The following SLC4A4 variants were observed in gnomAD, a reference collection of about 807,000 sequenced individuals.
SLC4A4 encodes electrogenic sodium bicarbonate cotransporter 1.
A neutral mutation model predicts 111.5 loss-of-function variants in SLC4A4; 27 were observed. The ratio of observed to expected loss-of-function variants is 0.24; its 90% CI spans 0.18 to 0.33. The LOEUF (loss-of-function observed/expected upper bound fraction) is 0.33. Among genes scored for constraint, SLC4A4 ranks in the 10% least tolerant of loss-of-function variants. The probability of loss-of-function intolerance (pLI) is 1.00; values close to 1 mark genes in which losing one functional copy is unlikely to be tolerated. For synonymous variants in SLC4A4, 443 were observed against 463.4 expected (o/e 0.96, Z 0.57); for missense variants, 909 against 1,315.5 (o/e 0.69, Z 4.78).
chr4:71,498,513 C>G (rs1025409440), intron 16 of SLC4A4, among the ~76,000 whole-genome samples: 4 of 152,026 alleles, frequency 2.6e-5, no homozygotes, highest in Non-Finnish European at 4.4e-5. Flanking sequence ...GCTCTTCTTG[C>G]ATTATATGTA....
intron 3 of SLC4A4, among the ~76,000 whole-genome samples, chr4:71,278,817 A>G (rs1229995570): frequency 6.6e-6 from 1 of 152,020 alleles, no homozygotes; most frequent in Non-Finnish European, 1.5e-5. Flanking sequence ...TGTTATTACT[A>G]TTTTTGCTGT....
intron 16 of SLC4A4, among the ~76,000 whole-genome samples, chr4:71,510,692 G>T (rs1226958897): frequency 6.6e-6 from 1 of 152,120 alleles, no homozygotes; most frequent in Non-Finnish European, 1.5e-5. Context: ...TTTTAGTGGA[G>T]AATTTAACCC....
chr4:71,567,458 A>G (rs1383119009), intron 25 of SLC4A4, among the ~76,000 whole-genome samples: 1 of 151,638 alleles, frequency 6.6e-6, no homozygotes, highest in Non-Finnish European at 1.5e-5. Context: ...ATTTTCTGAA[A>G]TCTCTGAATG....
At chr4:71,253,109 T>A (rs1348219592) in intron 2 of SLC4A4, among the ~76,000 whole-genome samples, 1 of 152,132 alleles carries the variant, frequency 6.6e-6, no homozygotes, top group East Asian at 1.9e-4. Flanking sequence ...GCTGAGAGGA[T>A]GCCTATCATC....
intron 3 of SLC4A4, among the ~76,000 whole-genome samples, chr4:71,291,232 T>C (rs1181991966): frequency 6.6e-6 from 1 of 152,212 alleles, no homozygotes; most frequent in East Asian, 1.9e-4. Context: ...TAATGCTAAA[T>C]GATGAGTTAA....
chr4:71,514,219 T>C (rs989889029), intron 16 of SLC4A4, among the ~76,000 whole-genome samples: 1 of 152,196 alleles, frequency 6.6e-6, no homozygotes, highest in African/African-American at 2.4e-5. Context: ...TAATCTCCAG[T>C]GTCAGAGGTG....
At chr4:71,330,019 A>G (rs937884696) in intron 3 of SLC4A4, among the ~76,000 whole-genome samples, 1 of 152,294 alleles carries the variant, frequency 6.6e-6, no homozygotes, top group East Asian at 1.9e-4. Flanking sequence ...TTTATCATGA[A>G]AGAATATTGA....
Position 71,081,494 on chromosome 4 carries a change from G to A in SLC4A4, c.-64-11236G>A, listed in dbSNP as rs559883678. On this transcript the variant is annotated intron_variant, in intron 1 of 26. Coordinates refer to the SLC4A4 transcript ENST00000649996. Reference sequence around the variant, plus strand: ...CCCCCACCATGGCTGCTTTGGAGTAGCTCTTATCTCAGGTACCTCAGCCAG... The same window carrying A: ...CCCCCACCATGGCTGCTTTGGAGTAACTCTTATCTCAGGTACCTCAGCCAG... Among the ~76,000 whole-genome samples the A allele has an allele frequency of 2.6e-5, 4 of 152,260 alleles. No individual in the cohort carries two copies. In the South Asian group the frequency reaches 8.3e-4, roughly 32 times the overall value.
At chr4:71,419,494 C>T (rs578212220) in intron 7 of SLC4A4, among the ~76,000 whole-genome samples, 17 of 152,338 alleles carry the variant, frequency 1.1e-4, no homozygotes, top group South Asian at 4.1e-4. Context: ...TAGGACCCTC[C>T]GAGCCAGGTG....
Position 71,534,219 on chromosome 4 carries a change from T to C in SLC4A4, c.2281-8T>C. On this transcript the variant is annotated splice_polypyrimidine_tract_variant and splice_region_variant and intron_variant, in intron 17 of 25. Transcript: ENST00000264485. ...ATTTTCTGAAAAATGTCATCTGTCT[T>C]TTTCAAGCCAACAAGTCCAAACCGA... 6.2e-7 allele frequency: 1 copy of C among 1,613,438 alleles called. No homozygotes were observed. The highest frequency in any genetic ancestry group is 8.5e-7 in the Non-Finnish European group (1 of 1,179,614).
intron 2 of SLC4A4, among the ~76,000 whole-genome samples, chr4:71,154,075 G>T (rs772658841): frequency 6.6e-6 from 1 of 152,180 alleles, no homozygotes; most frequent in Non-Finnish European, 1.5e-5. Context: ...TTCCTTTCAG[G>T]AGAGGTGACC....
intron 14 of SLC4A4, 108 bp from the exon 15 acceptor site, chr4:71,486,836 TATTA>T: frequency 1.6e-6 from 1 of 625,408 alleles, no homozygotes. Flanking sequence ...CTTATGTTGT[TATTA>T]AAGACATTTT....
At chr4:71,559,130 G>A (rs1736736567) in intron 22 of SLC4A4, among the ~76,000 whole-genome samples, 1 of 151,896 alleles carries the variant, frequency 6.6e-6, no homozygotes, top group Non-Finnish European at 1.5e-5. Context: ...AGTTAGGACA[G>A]ATGTTATTTA....
intron 13 of SLC4A4, among the ~76,000 whole-genome samples, chr4:71,468,915 A>C (rs1344393790): frequency 3.9e-5 from 6 of 151,990 alleles, no homozygotes; most frequent in Non-Finnish European, 8.8e-5. Flanking sequence ...CTGTTGAAGA[A>C]TAGGTAGATC....
intron 24 of SLC4A4, among the ~76,000 whole-genome samples, chr4:71,564,395 A>G (rs1737281182): frequency 6.6e-6 from 1 of 151,950 alleles, no homozygotes; most frequent in African/African-American, 2.4e-5. Context: ...ACAACTTTCT[A>G]GATATAACTT....
At chr4:71,188,429 A>G (rs991828068) in intron 1 of SLC4A4, among the ~76,000 whole-genome samples, 2 of 152,014 alleles carry the variant, frequency 1.3e-5, no homozygotes, top group East Asian at 1.9e-4. Context: ...TACCCTCCCC[A>G]TTTCTTTTCC....
At chr4:71,261,389 C>A (rs1721844028) in intron 3 of SLC4A4, among the ~76,000 whole-genome samples, 1 of 152,172 alleles carries the variant, frequency 6.6e-6, no homozygotes, top group African/African-American at 2.4e-5. Context: ...CTTTCTGGCT[C>A]TTTCTTTGTG....
chr4:71,544,676 G>A (rs1043322255), intron 18 of SLC4A4, among the ~76,000 whole-genome samples: 2 of 152,070 alleles, frequency 1.3e-5, no homozygotes, highest in Admixed American at 6.6e-5. Flanking sequence ...AGCAGCCAGT[G>A]TGTTTAGAAC....
intron 2 of SLC4A4, among the ~76,000 whole-genome samples, chr4:71,151,105 T>C (rs1176927317): frequency 6.6e-6 from 1 of 152,214 alleles, no homozygotes; most frequent in Non-Finnish European, 1.5e-5. Flanking sequence ...TTGGTCACAT[T>C]AGCTACAATT....
Sources: gnomAD v4.1 joint callset for allele counts (sites outside exome capture counted in the v4.1 genomes callset) on GRCh38, gnomAD v4.1.1 for gene constraint, MANE v1.5 for transcripts, NCBI Gene and HGNC (gene_info 2026-07-23, HGNC 2026-07-21) for gene names.